Variants in HECW2 observed in about 807,000 individuals in gnomAD.
HECW2 encodes the protein HECT, C2 and WW domain containing E3 ubiquitin protein ligase 2.
In HECW2, 61 loss-of-function variants were observed where a neutral mutation model predicts 175.2. The observed-to-expected ratio is 0.35, with a 90% CI of 0.28 to 0.43. The LOEUF (loss-of-function observed/expected upper bound fraction) is 0.43, where lower values mean the gene tolerates loss of function less well. HECW2 is among the 20% of genes least tolerant of loss of function. The pLI, the probability that HECW2 is intolerant of heterozygous loss-of-function variation, is 1.00. For missense variants in HECW2, 1,524 were observed against 2,000.5 expected (o/e 0.76, Z 4.54); for synonymous variants, 671 against 731.0 (o/e 0.92, Z 1.32).
chr2:196,431,488 T>C (rs992637521), intron 2 of HECW2, among the ~76,000 whole-genome samples: 4 of 152,182 alleles, frequency 2.6e-5, no homozygotes, highest in Non-Finnish European at 2.9e-5. Flanking sequence ...CATAAAAGGA[T>C]TTTTTAAACT....
At chr2:196,434,405 A>T (rs1209204961) in intron 1 of HECW2, among the ~76,000 whole-genome samples, 1 of 152,060 alleles carries the variant, frequency 6.6e-6, no homozygotes, top group Admixed American at 6.5e-5. Context: ...GGCTCCCGAT[A>T]AGCTATTTCC....
chr2:196,570,316 C>A (rs1048684531), intron 1 of HECW2, among the ~76,000 whole-genome samples: 3 of 152,136 alleles, frequency 2.0e-5, no homozygotes, highest in Non-Finnish European at 4.4e-5. Context: ...TTATATTGCA[C>A]CTATCAAACC....
intron 2 of HECW2, among the ~76,000 whole-genome samples, chr2:196,359,890 G>A (rs576929207): frequency 3.9e-4 from 59 of 152,248 alleles, no homozygotes; most frequent in African/African-American, 1.1e-3. Context: ...ATTGCTTGAC[G>A]CTATGAGTTA....
chr2:196,294,173 A>G (rs925351176), intron 13 of HECW2, among the ~76,000 whole-genome samples: 3 of 142,362 alleles, frequency 2.1e-5, no homozygotes, highest in African/African-American at 9.3e-5. Context: ...ATATTTAAAG[A>G]AGATTCCACA....
At chr2:196,325,233 G>C (rs532034563) in intron 5 of HECW2, 84 bp from the exon 6 acceptor site, 1 of 1,012,086 alleles carries the variant, frequency 9.9e-7, no homozygotes, top group African/African-American at 1.6e-5. Context: ...GAGAGAACAA[G>C]GGACAGAAGA....
intron 2 of HECW2, among the ~76,000 whole-genome samples, chr2:196,359,207 T>C (rs766475265): frequency 6.6e-6 from 1 of 152,142 alleles, no homozygotes; most frequent in Non-Finnish European, 1.5e-5. Context: ...CCCAGCATGT[T>C]AGGAGGCCAA....
At chr2:196,504,965 C>T (rs564603779) in intron 1 of HECW2, among the ~76,000 whole-genome samples, 1 of 152,182 alleles carries the variant, frequency 6.6e-6, no homozygotes, top group South Asian at 2.1e-4. Context: ...CCACACCAAA[C>T]AGAGCTCTAC....
chr2:196,467,529 T>G (rs1697007714), intron 1 of HECW2, among the ~76,000 whole-genome samples: 1 of 152,228 alleles, frequency 6.6e-6, no homozygotes, highest in Non-Finnish European at 1.5e-5. Context: ...TTACAGTCAT[T>G]CATTCTAATG....
rs529218843 is a variant in HECW2, at chr2:196,307,241, C to T, written c.2586-8G>A. On this transcript the variant is annotated splice_polypyrimidine_tract_variant and splice_region_variant and intron_variant, in intron 11 of 28. Transcript: ENST00000644978. ...CTGCGGATACTCTGATATCTAAAAT[C>T]ATGAGCCTAGAGTTACATTCCAGCA... The T allele has an allele frequency of 1.3e-6, 2 of 1,582,584 alleles. No individual in the cohort carries two copies. The highest frequency in any genetic ancestry group is 1.3e-5 in the African/African-American group (1 of 74,396).
intron 16 of HECW2, among the ~76,000 whole-genome samples, chr2:196,273,159 C>A (rs759209122): frequency 2.0e-5 from 3 of 149,670 alleles, no homozygotes; most frequent in Admixed American, 6.7e-5. Context: ...CCTCTGCCTC[C>A]CAGGTTCAAG....
At chr2:196,233,592 TAGTTCTTGAGCCAATTA>T (rs1688134331) in intron 21 of HECW2, among the ~76,000 whole-genome samples, 1 of 152,140 alleles carries the variant, frequency 6.6e-6, no homozygotes, top group Non-Finnish European at 1.5e-5. Flanking sequence ...AGCAAGGTGT[TAGTTCTTGAGCCAATTA>T]AGAAAGCCTG....
chr2:196,390,178 T>A (rs1294164282), intron 2 of HECW2, among the ~76,000 whole-genome samples: 5 of 152,154 alleles, frequency 3.3e-5, no homozygotes, highest in Non-Finnish European at 7.4e-5. Context: ...ATTTTATTCA[T>A]GAATACCTGA....
chr2:196,512,528 A>C (rs1477754109), intron 1 of HECW2, among the ~76,000 whole-genome samples: 1 of 152,000 alleles, frequency 6.6e-6, no homozygotes, highest in Non-Finnish European at 1.5e-5. Context: ...AGCAGCCAGG[A>C]CTACAGGCAC....
At chr2:196,436,010 A>C (rs1695858310) in intron 1 of HECW2, among the ~76,000 whole-genome samples, 1 of 152,204 alleles carries the variant, frequency 6.6e-6, no homozygotes, top group African/African-American at 2.4e-5. Flanking sequence ...ATTTCAAAGC[A>C]TAGCGCCTAA....
At chr2:196,569,839 A>G (rs976981217) in intron 1 of HECW2, among the ~76,000 whole-genome samples, 11 of 152,270 alleles carry the variant, frequency 7.2e-5, no homozygotes, top group African/African-American at 2.7e-4. Flanking sequence ...GCACATGGAA[A>G]AGTGCTATAT....
intron 1 of HECW2, among the ~76,000 whole-genome samples, chr2:196,437,611 C>CATAAAAAAAAAAAAA (rs1695916894): frequency 1.8e-5 from 1 of 55,786 alleles, no homozygotes; most frequent in Non-Finnish European, 3.2e-5. Flanking sequence ...GACTCTGTCT[C>CATAAAAAAAAAAAAA]AAAAAAAAAA....
At chr2:196,578,499 G>A (rs1364173981) in intron 1 of HECW2, among the ~76,000 whole-genome samples, 1 of 152,076 alleles carries the variant, frequency 6.6e-6, no homozygotes, top group Admixed American at 6.6e-5. Context: ...ATTAACCTAT[G>A]TATCCAGGAG....
intron 15 of HECW2, among the ~76,000 whole-genome samples, chr2:196,277,239 G>A (rs976607280): frequency 1.3e-5 from 2 of 152,122 alleles, no homozygotes; most frequent in Non-Finnish European, 2.9e-5. Context: ...ATTGGTCCCT[G>A]CAAATCGGTA....
At chr2:196,464,525 A>C (rs1014228505) in intron 1 of HECW2, among the ~76,000 whole-genome samples, 1 of 152,214 alleles carries the variant, frequency 6.6e-6, no homozygotes, top group African/African-American at 2.4e-5. Context: ...TAAGCAAGAA[A>C]GGGGAAAAGC....
Sources: gnomAD v4.1 joint callset for allele counts (sites outside exome capture counted in the v4.1 genomes callset) on GRCh38, gnomAD v4.1.1 for gene constraint, MANE v1.5 for transcripts, NCBI Gene and HGNC (gene_info 2026-07-23, HGNC 2026-07-21) for gene names.